The following CRISPLD1 variants were observed in gnomAD, a reference collection of about 807,000 sequenced individuals.
The protein encoded by CRISPLD1 is cysteine-rich secretory protein LCCL domain-containing 1.
In CRISPLD1, 60 loss-of-function variants were observed where a neutral mutation model predicts 77.5. The observed-to-expected ratio is 0.77, with a 90% CI of 0.63 to 0.96. The LOEUF (loss-of-function observed/expected upper bound fraction) is 0.96. CRISPLD1 is among the 40% of genes least tolerant of loss of function. The pLI is 0.00. For missense variants in CRISPLD1, 623 were observed against 615.8 expected (o/e 1.01, Z -0.12); for synonymous variants, 195 against 200.1 (o/e 0.97, Z 0.22).
rs773877874 is a variant in CRISPLD1 at position 75,016,978 on chromosome 8, T to G, written c.929+37T>G. 3 of 1,513,584 alleles carry G rather than the reference T, an allele frequency of 2.0e-6. 1 individual carries two copies. The highest frequency in any genetic ancestry group is 2.7e-6 in the Non-Finnish European group (3 of 1,114,770). The allele number at this position is 1,513,584 out of a possible 1,614,324, so 93.8% of individuals were successfully genotyped here. A position where few individuals can be genotyped will look rare whatever the true frequency, so the allele number is the denominator to read the frequency against. ...TATTATTTTGAAAATTAATTGAATA[T>G]AATAAATATTTTTATTTTGTACTGA... On this transcript the variant is annotated intron_variant, in intron 8 of 14. Transcript: ENST00000262207.
At chr8:74,988,375 C>A (rs1293289333) in intron 2 of CRISPLD1, among the ~76,000 whole-genome samples, 3 of 152,118 alleles carry the variant, frequency 2.0e-5, no homozygotes, top group Non-Finnish European at 2.9e-5. Context: ...CCCTTATACC[C>A]TATGTGTCTG....
rs1813105241 is a variant in CRISPLD1 at position 75,020,055 on chromosome 8, A to G, written c.1220A>G (p.His407Arg). ...ETTVEQLCPF[H>R]KPASHCPRVY... The stretch of plus-strand genomic sequence containing the variant: ...ACTGTGGAACAGCTCTGTCCATTTC[A>G]TAAGCCTGCTTCACATTGCCCAAGG... Residue 407 changes from histidine (H) to arginine (R), a missense_variant, in exon 12 of 15, where the codon CAT becomes CGT. Physicochemically the swap from His to Arg is conservative, Grantham distance 29. Transcript: ENST00000262207. 7 of 1,614,098 alleles carry G rather than the reference A, an allele frequency of 4.3e-6. No homozygotes were observed. The highest frequency in any genetic ancestry group is 5.9e-6 in the Non-Finnish European group (7 of 1,179,972).
At chr8:75,009,978 A>G (rs1202455928) in intron 2 of CRISPLD1, among the ~76,000 whole-genome samples, 2 of 152,146 alleles carry the variant, frequency 1.3e-5, no homozygotes, top group Non-Finnish European at 2.9e-5. Flanking sequence ...TGCTTACCTG[A>G]TAATACTTGT....
At chr8:75,032,163 A>G (rs777239226) in intron 14 of CRISPLD1, 28 bp from the exon 15 acceptor site, 4 of 1,498,494 alleles carry the variant, frequency 2.7e-6, no homozygotes, top group Admixed American at 3.5e-5. Context: ...ACATCAATAT[A>G]CTTTTCATAT....
chr8:75,003,553 C>G (rs935195686), intron 2 of CRISPLD1, among the ~76,000 whole-genome samples: 5 of 151,918 alleles, frequency 3.3e-5, no homozygotes, highest in Non-Finnish European at 7.4e-5. Context: ...ACTTTTAGAT[C>G]AATCCTGCAT....
intron 14 of CRISPLD1, among the ~76,000 whole-genome samples, chr8:75,030,501 G>A (rs761039988): frequency 3.0e-4 from 45 of 152,088 alleles, no homozygotes; most frequent in Admixed American, 4.6e-4. Flanking sequence ...TGTATGCCTC[G>A]TAATTCTTAG....
intron 12 of CRISPLD1, among the ~76,000 whole-genome samples, chr8:75,021,568 T>A (rs1344536026): frequency 1.3e-5 from 2 of 152,192 alleles, no homozygotes; most frequent in Non-Finnish European, 2.9e-5. Flanking sequence ...TGACCACCAA[T>A]GAATTATATG....
intron 2 of CRISPLD1, among the ~76,000 whole-genome samples, chr8:75,005,922 T>C (rs1249607984): frequency 6.6e-6 from 1 of 152,138 alleles, no homozygotes. Flanking sequence ...GCATACTTTA[T>C]TTTGCTTTGT....
At chr8:74,988,750 G>A (rs540939631) in intron 2 of CRISPLD1, among the ~76,000 whole-genome samples, 8 of 152,044 alleles carry the variant, frequency 5.3e-5, no homozygotes, top group African/African-American at 1.2e-4. Context: ...CACCAGAATC[G>A]CTTGAACCCA....
At chr8:75,012,745 AGTAAT>A (rs1184790188) in intron 3 of CRISPLD1, 140 bp from the exon 4 acceptor site, 3 of 865,184 alleles carry the variant, frequency 3.5e-6, no homozygotes, top group Non-Finnish European at 5.3e-6. Flanking sequence ...TCAATTTATT[AGTAAT>A]GTAAGGGGCA....
intron 9 of CRISPLD1, 102 bp from the exon 10 acceptor site, chr8:75,017,218 G>C (rs1055653873): frequency 6.5e-7 from 1 of 1,539,532 alleles, no homozygotes; most frequent in Admixed American, 1.8e-5. Flanking sequence ...ATTTTGCTCA[G>C]AAATGTTTAT....
intron 2 of CRISPLD1, among the ~76,000 whole-genome samples, chr8:75,003,849 A>G (rs1812786070): frequency 6.6e-6 from 1 of 152,210 alleles, no homozygotes; most frequent in Non-Finnish European, 1.5e-5. Context: ...TTGTAATTCT[A>G]TAGAAAATTA....
intron 2 of CRISPLD1, among the ~76,000 whole-genome samples, chr8:74,988,259 G>A (rs970670932): frequency 5.3e-5 from 8 of 152,098 alleles, no homozygotes; most frequent in Non-Finnish European, 7.4e-5. Flanking sequence ...TATTCAAATC[G>A]TTATTTAAAA....
At chr8:75,007,601 G>A (rs556269557) in intron 2 of CRISPLD1, among the ~76,000 whole-genome samples, 1 of 149,090 alleles carries the variant, frequency 6.7e-6, no homozygotes, top group Admixed American at 6.7e-5. Context: ...ACTGAGTCCC[G>A]CTCTGTCACC....
Position 74,985,851 on chromosome 8 carries a change from G to A in CRISPLD1, c.-62-75G>A, listed in dbSNP as rs2128780123. 3 of 944,406 alleles carry A rather than the reference G, an allele frequency of 3.2e-6. No homozygotes were observed. In the African/African-American group the frequency reaches 4.9e-5, roughly 15 times the overall value. 58.5% of individuals were successfully genotyped at this position (944,406 alleles called of 1,614,324 possible). A position where few individuals can be genotyped will look rare whatever the true frequency, so the allele number is the denominator to read the frequency against. ...AAACTGGCACACTTCCTTTGTAACT[G>A]TTGTTTTGCTCGTGTTATTAGAAAA... On this transcript the variant is annotated intron_variant, in intron 1 of 14. Transcript: ENST00000262207.
At position 75,014,831 on chromosome 8, in the gene CRISPLD1, G is replaced by T; in HGVS notation, c.646G>T (p.Ala216Ser). The T allele has an allele frequency of 2.5e-6, 4 of 1,596,280 alleles. No homozygotes were observed. The highest frequency in any genetic ancestry group is 1.7e-6 in the Non-Finnish European group (2 of 1,173,462). Residue 216 changes from alanine (A) to serine (S), a missense_variant, in exon 6 of 15, where the codon GCC (alanine) becomes TCC (serine). Coordinates refer to ENST00000262207, the MANE Select transcript of CRISPLD1 (RefSeq NM_031461.6). ...TTAAAGGGGAAACTGGTGGGGCCATGCCCCTTACAAACATGGGCGGCCCTG... is the reference window on the plus strand; with the variant it reads ...TTAAAGGGGAAACTGGTGGGGCCATTCCCCTTACAAACATGGGCGGCCCTG... ...YSPKGNWWGH[A>S]PYKHGRPCSA... is the part of the protein sequence containing the mutation.
At chr8:75,017,607 AGAT>A (rs1813057675) in intron 10 of CRISPLD1, among the ~76,000 whole-genome samples, 157 bp downstream of exon 10, 2 of 152,214 alleles carry the variant, frequency 1.3e-5, no homozygotes, top group South Asian at 4.1e-4. Context: ...GACAAAAAGA[AGAT>A]AACGCATTTA....
Position 75,014,801 on chromosome 8 carries a change from A to G in CRISPLD1, c.627-11A>G. On this transcript the variant is annotated splice_polypyrimidine_tract_variant and intron_variant, in intron 5 of 14. Coordinates refer to ENST00000262207, the MANE Select transcript of CRISPLD1 (RefSeq NM_031461.6). ...AGACTACTTTTTAATAGAGCGTATC[A>G]TCTCTTAAAGGGGAAACTGGTGGGG... 6.3e-7 allele frequency: 1 copy of G among 1,581,084 alleles called. No homozygotes were observed. The highest frequency in any genetic ancestry group is 8.6e-7 in the Non-Finnish European group (1 of 1,156,228).
intron 2 of CRISPLD1, among the ~76,000 whole-genome samples, chr8:75,001,724 CT>C (rs750373785): frequency 1.3e-5 from 2 of 149,718 alleles, no homozygotes; most frequent in Non-Finnish European, 3.0e-5. Flanking sequence ...TGATTTAAGC[CT>C]CAATTATGGA....
Sources: gnomAD v4.1 joint callset for allele counts (sites outside exome capture counted in the v4.1 genomes callset) on GRCh38, gnomAD v4.1.1 for gene constraint, MANE v1.5 for transcripts, NCBI Gene and HGNC (gene_info 2026-07-23, HGNC 2026-07-21) for gene names.